GABRB2: variants seen among roughly 807,000 people sequenced by gnomAD.
The protein encoded by GABRB2 is gamma-aminobutyric acid type A receptor subunit beta2.
A neutral mutation model predicts 54.7 loss-of-function variants in GABRB2; 16 were observed. That is an observed-to-expected ratio of 0.29 (90% CI 0.20 to 0.44). The LOEUF (loss-of-function observed/expected upper bound fraction) is 0.44. Among genes scored for constraint, GABRB2 ranks in the 20% least tolerant of loss-of-function variants. The pLI, the probability that GABRB2 is intolerant of heterozygous loss-of-function variation, is 1.00. For missense variants in GABRB2, 355 were observed against 644.0 expected (o/e 0.55, Z 4.86); for synonymous variants, 244 against 233.8 (o/e 1.04, Z -0.40).
At chr5:161,521,362 G>C (rs1407802542) in intron 3 of GABRB2, among the ~76,000 whole-genome samples, 1 of 151,844 alleles carries the variant, frequency 6.6e-6, no homozygotes, top group African/African-American at 2.4e-5. Flanking sequence ...TGAGTCTGTA[G>C]AATCAGAATT....
intron 4 of GABRB2, among the ~76,000 whole-genome samples, chr5:161,412,697 C>G (rs138612003): frequency 6.6e-6 from 1 of 152,224 alleles, no homozygotes; most frequent in African/African-American, 2.4e-5. Flanking sequence ...TATCTTTCGG[C>G]CTTCTTACTT....
intron 3 of GABRB2, among the ~76,000 whole-genome samples, chr5:161,465,760 T>G (rs1758260625): frequency 6.6e-6 from 1 of 152,148 alleles, no homozygotes; most frequent in African/African-American, 2.4e-5. Context: ...CACATACATA[T>G]ACATCATATG....
intron 4 of GABRB2, among the ~76,000 whole-genome samples, chr5:161,446,764 G>A (rs918744077): frequency 1.3e-5 from 2 of 152,018 alleles, no homozygotes; most frequent in Non-Finnish European, 2.9e-5. Context: ...CACATGGCCC[G>A]TAAAACAACC....
intron 3 of GABRB2, among the ~76,000 whole-genome samples, chr5:161,514,437 A>G (rs1759872407): frequency 6.6e-6 from 1 of 152,188 alleles, no homozygotes; most frequent in Admixed American, 6.6e-5. Context: ...ATCATAAGAG[A>G]AAACATCTGG....
intron 5 of GABRB2, among the ~76,000 whole-genome samples, chr5:161,338,550 GGCCAAT>G (rs1301701442): frequency 6.6e-6 from 1 of 152,132 alleles, no homozygotes; most frequent in Non-Finnish European, 1.5e-5. Context: ...CACTTTGGGA[GGCCAAT>G]GCTGGAGGAT....
chr5:161,460,751 C>T (rs528347001), intron 3 of GABRB2, among the ~76,000 whole-genome samples: 1 of 152,092 alleles, frequency 6.6e-6, no homozygotes, highest in African/African-American at 2.4e-5. Context: ...TAAATGCCTG[C>T]TCTCAGGGAA....
intron 5 of GABRB2, among the ~76,000 whole-genome samples, chr5:161,401,260 A>G (rs999865736): frequency 6.6e-6 from 1 of 152,174 alleles, no homozygotes; most frequent in Non-Finnish European, 1.5e-5. Flanking sequence ...TGATAACGTT[A>G]TGTATTATGT....
intron 3 of GABRB2, among the ~76,000 whole-genome samples, chr5:161,510,508 TAAATC>T (rs1206055207): frequency 6.6e-6 from 1 of 151,964 alleles, no homozygotes; most frequent in Non-Finnish European, 1.5e-5. Context: ...TTTTTGAACA[TAAATC>T]AAAAGCACAA....
At chr5:161,408,715 G>A (rs1756418689) in intron 5 of GABRB2, among the ~76,000 whole-genome samples, 1 of 151,858 alleles carries the variant, frequency 6.6e-6, no homozygotes, top group Admixed American at 6.6e-5. Flanking sequence ...AGAAGGGAGG[G>A]AAAAACAGAG....
intron 9 of GABRB2, among the ~76,000 whole-genome samples, chr5:161,315,707 G>A (rs113154872): frequency 0.025 from 3,815 of 152,188 alleles, 58 homozygotes; most frequent in Middle Eastern, 0.088. Context: ...TGGTGTACAT[G>A]TGATATCTTG....
At chr5:161,494,653 G>A (rs1246036299) in intron 3 of GABRB2, among the ~76,000 whole-genome samples, 1 of 151,310 alleles carries the variant, frequency 6.6e-6, no homozygotes, top group Non-Finnish European at 1.5e-5. Context: ...AAGTGGAGAA[G>A]TATTAAATGT....
chr5:161,411,378 A>G (rs548755159), intron 4 of GABRB2, among the ~76,000 whole-genome samples: 10 of 152,302 alleles, frequency 6.6e-5, no homozygotes, highest in African/African-American at 2.4e-4. Context: ...TCTATTTCAC[A>G]AGCATCACTG....
At chr5:161,311,185 G>A (rs1757858574) in intron 9 of GABRB2, among the ~76,000 whole-genome samples, 1 of 152,122 alleles carries the variant, frequency 6.6e-6, no homozygotes, top group Admixed American at 6.5e-5. Flanking sequence ...TACCAGGCAT[G>A]GACTTCCTCA....
At chr5:161,391,337 T>C (rs748135323) in intron 5 of GABRB2, among the ~76,000 whole-genome samples, 1 of 152,194 alleles carries the variant, frequency 6.6e-6, no homozygotes, top group Non-Finnish European at 1.5e-5. Flanking sequence ...CCCTCTTTTT[T>C]TATGTGAGAA....
chr5:161,458,053 C>A (rs1348257793), intron 4 of GABRB2, among the ~76,000 whole-genome samples: 1 of 152,294 alleles, frequency 6.6e-6, no homozygotes, highest in East Asian at 1.9e-4. Context: ...CTCCTGCCTT[C>A]TTCTAGATTC....
intron 5 of GABRB2, among the ~76,000 whole-genome samples, chr5:161,375,414 T>C (rs1755264887): frequency 6.6e-6 from 1 of 152,178 alleles, no homozygotes; most frequent in Non-Finnish European, 1.5e-5. Flanking sequence ...AGTGGAAGAA[T>C]GGCTCATTGT....
intron 3 of GABRB2, among the ~76,000 whole-genome samples, chr5:161,479,746 C>T (rs965940425): frequency 2.6e-5 from 4 of 151,870 alleles, no homozygotes; most frequent in Non-Finnish European, 5.9e-5. Context: ...CATGCCACCA[C>T]AACTGGCTAA....
chr5:161,385,718 T>C (rs1755605072), intron 5 of GABRB2, among the ~76,000 whole-genome samples: 1 of 152,190 alleles, frequency 6.6e-6, no homozygotes, highest in Admixed American at 6.5e-5. Context: ...CCTGCTGTAG[T>C]GGTGCTTATA....
intron 6 of GABRB2, among the ~76,000 whole-genome samples, chr5:161,335,476 G>C (rs1050478746): frequency 6.6e-6 from 1 of 152,052 alleles, no homozygotes; most frequent in African/African-American, 2.4e-5. Flanking sequence ...CATTGCATTT[G>C]AGCAATATTT....
Sources: gnomAD v4.1 joint callset for allele counts (sites outside exome capture counted in the v4.1 genomes callset) on GRCh38, gnomAD v4.1.1 for gene constraint, MANE v1.5 for transcripts, NCBI Gene and HGNC (gene_info 2026-07-23, HGNC 2026-07-21) for gene names.